The following PLD5 variants were observed in gnomAD, a reference collection of about 807,000 sequenced individuals.
PLD5 encodes inactive phospholipase D5.
In PLD5, 36 loss-of-function variants were observed where a neutral mutation model predicts 61.1. The ratio of observed to expected loss-of-function variants is 0.59; its 90% CI spans 0.45 to 0.78. PLD5 has a LOEUF of 0.78. Among genes scored for constraint, PLD5 ranks in the 30% least tolerant of loss-of-function variants. The pLI is 0.00. For synonymous variants in PLD5, 243 were observed against 242.8 expected (o/e 1.00, Z -0.01); for missense variants, 515 against 644.4 (o/e 0.80, Z 2.17).
intron 5 of PLD5, among the ~76,000 whole-genome samples, chr1:242,172,934 C>CA (rs2148881149): frequency 1.3e-5 from 2 of 152,194 alleles, no homozygotes; most frequent in African/African-American, 4.8e-5. Flanking sequence ...GATTCACAGC[C>CA]AAATTCTACC....
chr1:242,137,758 G>C (rs1663856087), intron 5 of PLD5, among the ~76,000 whole-genome samples: 1 of 152,138 alleles, frequency 6.6e-6, no homozygotes, highest in South Asian at 2.1e-4. Context: ...AAGCCACAGA[G>C]ACACTAAATA....
At chr1:242,323,444 A>AC (rs1658548121) in intron 2 of PLD5, among the ~76,000 whole-genome samples, 1 of 152,218 alleles carries the variant, frequency 6.6e-6, no homozygotes, top group South Asian at 2.1e-4. Flanking sequence ...CCCAAAGGCT[A>AC]ATGTCTTGAT....
chr1:242,119,385 C>T (rs1662197246), intron 6 of PLD5, among the ~76,000 whole-genome samples: 2 of 151,886 alleles, frequency 1.3e-5, no homozygotes, highest in Non-Finnish European at 1.5e-5. Context: ...ACACCTGAAC[C>T]CAGGAATTTT....
At chr1:242,491,583 T>A (rs1668153507) in intron 1 of PLD5, among the ~76,000 whole-genome samples, 1 of 152,226 alleles carries the variant, frequency 6.6e-6, no homozygotes, top group African/African-American at 2.4e-5. Context: ...TTAAATCATA[T>A]CATGAATTGG....
intron 1 of PLD5, among the ~76,000 whole-genome samples, chr1:242,420,687 T>G (rs1382370226): frequency 6.6e-6 from 1 of 152,122 alleles, no homozygotes; most frequent in Non-Finnish European, 1.5e-5. Context: ...TACCCCAAAC[T>G]CATATTACAT....
At chr1:242,279,717 A>G (rs1674615934) in intron 3 of PLD5, among the ~76,000 whole-genome samples, 1 of 152,134 alleles carries the variant, frequency 6.6e-6, no homozygotes, top group Non-Finnish European at 1.5e-5. Context: ...GTATTTTAGT[A>G]GAAATGGGGT....
chr1:242,350,897 CTTT>C (rs149135759), intron 1 of PLD5, among the ~76,000 whole-genome samples: 2 of 142,820 alleles, frequency 1.4e-5, no homozygotes, highest in Admixed American at 7.0e-5. Context: ...CTGTTTTATT[CTTT>C]TTTTTTTTTT....
chr1:242,336,527 A>G (rs879605343), intron 2 of PLD5, among the ~76,000 whole-genome samples: 17 of 152,226 alleles, frequency 1.1e-4, no homozygotes, highest in African/African-American at 7.2e-5. Context: ...AAAATCGTTC[A>G]TGGTACATCA....
At chr1:242,395,371 A>AGT (rs1275136881) in intron 1 of PLD5, among the ~76,000 whole-genome samples, 2 of 152,092 alleles carry the variant, frequency 1.3e-5, no homozygotes, top group Non-Finnish European at 2.9e-5. Context: ...TTCTTGCCTG[A>AGT]GTACCTGCTA....
At chr1:242,352,947 C>G (rs1660557622) in intron 1 of PLD5, among the ~76,000 whole-genome samples, 1 of 152,144 alleles carries the variant, frequency 6.6e-6, no homozygotes, top group African/African-American at 2.4e-5. Context: ...AGTTTTCTAT[C>G]AGGTATATGG....
chr1:242,504,849 G>C (rs542201663), intron 1 of PLD5, among the ~76,000 whole-genome samples: 1 of 152,052 alleles, frequency 6.6e-6, no homozygotes, highest in Non-Finnish European at 1.5e-5. Flanking sequence ...GAAATGCTGA[G>C]TAATTTATAT....
At position 242,194,603 on chromosome 1, in the gene PLD5, T is replaced by TATCTATCTATCTATCTATCTATCTA. The variant is rs1193250766; in HGVS notation, c.735+25384_735+25385insTAGATAGATAGATAGATAGATAGAT. 8.6e-4 allele frequency among the ~76,000 whole-genome samples: 64 copies of TATCTATCTATCTATCTATCTATCTA among 74,380 alleles called. 1 individual carries two copies. The South Asian group carries it at 8.8e-3, about 10-fold the overall frequency. The allele number at this position is 74,380 out of a possible 152,430, so 48.8% of individuals were successfully genotyped here. A position where few individuals can be genotyped will look rare whatever the true frequency, so the allele number is the denominator to read the frequency against. ...CTATCTATCTATCTATCTATCTATC[T>TATCTATCTATCTATCTATCTATCTA]ATGTATCTATCTATGTATCTATCTA... is the stretch of plus-strand genomic sequence containing the variant. On this transcript the variant is annotated intron_variant, in intron 5 of 9. Coordinates refer to ENST00000536534, the MANE Select transcript of PLD5 (RefSeq NM_001372062.1).
At chr1:242,476,149 G>A (rs1667589079) in intron 1 of PLD5, among the ~76,000 whole-genome samples, 1 of 152,156 alleles carries the variant, frequency 6.6e-6, no homozygotes, top group Non-Finnish European at 1.5e-5. Context: ...GAGGTCAGGA[G>A]TTCGAGACCA....
At chr1:242,527,107 T>G (rs1042080529), upstream of PLD5, among the ~76,000 whole-genome samples, 2 of 142,062 alleles carry the variant, frequency 1.4e-5, no homozygotes, top group Non-Finnish European at 3.0e-5. Context: ...GTTGCTACTA[T>G]CTCCTTCTTT....
At chr1:242,166,738 A>ATATC (rs1295470153) in intron 5 of PLD5, among the ~76,000 whole-genome samples, 8 of 152,334 alleles carry the variant, frequency 5.3e-5, no homozygotes, top group African/African-American at 1.9e-4. Flanking sequence ...CACATATGTG[A>ATATC]TATCTCCTAC....
chr1:242,111,898 C>T (rs1661534107), intron 7 of PLD5, among the ~76,000 whole-genome samples: 1 of 152,118 alleles, frequency 6.6e-6, no homozygotes, highest in Admixed American at 6.5e-5. Context: ...AAGTGAGTCT[C>T]TGATTCTTTA....
intron 5 of PLD5, among the ~76,000 whole-genome samples, chr1:242,151,450 G>GT (rs1034867634): frequency 5.9e-5 from 9 of 151,906 alleles, no homozygotes; most frequent in Admixed American, 1.3e-4. Flanking sequence ...TGGACACGGA[G>GT]TTTTTTCCCC....
chr1:242,313,072 T>C (rs1676798150), intron 2 of PLD5, among the ~76,000 whole-genome samples: 1 of 152,190 alleles, frequency 6.6e-6, no homozygotes, highest in South Asian at 2.1e-4. Flanking sequence ...AATGAGACAA[T>C]GTACATAAAG....
intron 2 of PLD5, among the ~76,000 whole-genome samples, chr1:242,323,880 G>A (rs1354249934): frequency 6.6e-6 from 1 of 152,142 alleles, no homozygotes; most frequent in East Asian, 1.9e-4. Context: ...CAAGGAAGAA[G>A]CAGAAAAGTC....
Sources: allele counts gnomAD v4.1 joint callset (sites outside exome capture counted in the v4.1 genomes callset), GRCh38; gene constraint gnomAD v4.1.1; transcripts MANE v1.5; gene names NCBI Gene and HGNC (gene_info 2026-07-23, HGNC 2026-07-21).